The following PHF21A variants were observed in gnomAD, a reference collection of about 807,000 sequenced individuals.
PHF21A encodes the protein PHD finger protein 21A, also known as BHC80a.
A neutral mutation model predicts 82.5 loss-of-function variants in PHF21A; 11 were observed. That is an observed-to-expected ratio of 0.13 (90% confidence interval 0.08 to 0.22). The LOEUF is 0.22. Ranked by LOEUF, PHF21A falls within the 10% of genes least tolerant of loss-of-function variation. The pLI is 1.00. For synonymous variants in PHF21A, 297 were observed against 302.8 expected, an observed-to-expected ratio of 0.98 and a Z score of 0.20; for missense variants, 579 against 837.8, an observed-to-expected ratio of 0.69 and a Z score of 3.81.
At chr11:46,081,398 C>T (rs2096789303) in intron 4 of PHF21A, among the ~76,000 whole-genome samples, 1 of 152,152 alleles carries the variant, frequency 6.6e-6, no homozygotes, top group Non-Finnish European at 1.5e-5. Context: ...ATGAAAAAAG[C>T]TCTTGATTTT....
At chr11:46,037,471 G>A (rs766351823) in intron 6 of PHF21A, among the ~76,000 whole-genome samples, 11 of 151,958 alleles carry the variant, frequency 7.2e-5, no homozygotes, top group East Asian at 1.9e-4. Context: ...GAGAAACCCC[G>A]TCTCTACTAA....
At chr11:46,073,622 C>T (rs17725532) in intron 6 of PHF21A, among the ~76,000 whole-genome samples, 21,184 of 152,134 alleles carry the variant, frequency 0.14, 1,668 homozygotes, top group Non-Finnish European at 0.17. Context: ...TACGTTTACA[C>T]GCCCACATAC....
chr11:46,108,175 T>C (rs762311333), intron 1 of PHF21A, among the ~76,000 whole-genome samples: 8 of 152,190 alleles, frequency 5.3e-5, no homozygotes, highest in Non-Finnish European at 1.0e-4. Flanking sequence ...AGAAGAGAGA[T>C]TACCAGTTTT....
chr11:45,966,807 C>T (rs2093465142), intron 9 of PHF21A, among the ~76,000 whole-genome samples: 2 of 152,012 alleles, frequency 1.3e-5, no homozygotes, highest in African/African-American at 4.8e-5. Flanking sequence ...TTAGTACGGA[C>T]AGGGTTTCAC....
intron 1 of PHF21A, among the ~76,000 whole-genome samples, chr11:46,105,171 G>A (rs1301389281): frequency 1.3e-5 from 2 of 152,208 alleles, no homozygotes; most frequent in East Asian, 3.8e-4. Flanking sequence ...ACGTGGCAAA[G>A]CTAGGATCTG....
intron 6 of PHF21A, among the ~76,000 whole-genome samples, chr11:46,002,665 T>A (rs6485654): frequency 0.34 from 50,288 of 148,784 alleles, 9,445 homozygotes; most frequent in East Asian, 0.8. Context: ...TTAAGGGATA[T>A]AATGAAGAAC....
At chr11:45,990,098 C>T (rs1189045072) in intron 6 of PHF21A, among the ~76,000 whole-genome samples, 1 of 152,068 alleles carries the variant, frequency 6.6e-6, no homozygotes, top group Non-Finnish European at 1.5e-5. Flanking sequence ...ATTACAAAAT[C>T]TAATCCACAA....
intron 10 of PHF21A, among the ~76,000 whole-genome samples, chr11:45,956,792 T>C (rs375030687): frequency 1.3e-5 from 2 of 151,968 alleles, no homozygotes; most frequent in African/African-American, 4.8e-5. Context: ...AGAAAACAAA[T>C]AGCAAAATGG....
chr11:45,966,706 G>A (rs975582100), intron 9 of PHF21A, among the ~76,000 whole-genome samples: 31 of 152,052 alleles, frequency 2.0e-4, no homozygotes, highest in African/African-American at 5.8e-4. Flanking sequence ...AGCAGCCTCC[G>A]CCTCCCAGGT....
chr11:46,106,048 G>A (rs562558778), intron 1 of PHF21A, among the ~76,000 whole-genome samples: 1 of 152,182 alleles, frequency 6.6e-6, no homozygotes, highest in Non-Finnish European at 1.5e-5. Flanking sequence ...TAAAGGTACT[G>A]AGAACCTGAC....
rs533266082 is a variant in PHF21A at position 45,933,621 on chromosome 11, A to C, written c.*347T>G. ...CTCCGCCCGTCCCTGCTCCCCACCC[A>C]AGAAAACAGAAACAAACCCATCGTG... On this transcript the variant is annotated 3_prime_UTR_variant, in exon 19 of 19. Transcript: ENST00000676320. 1 of 197,514 alleles carries C rather than the reference A, an allele frequency of 5.1e-6. No individual in the cohort carries two copies. Among genetic ancestry groups the C allele is most frequent in the African/African-American group, 2.3e-5 (1 of 43,398 alleles). 12.2% of individuals were successfully genotyped at this position (197,514 alleles called of 1,614,324 possible).
intron 6 of PHF21A, among the ~76,000 whole-genome samples, chr11:46,065,933 C>T (rs1404209870): frequency 1.3e-5 from 2 of 152,242 alleles, no homozygotes; most frequent in African/African-American, 4.8e-5. Context: ...GAGAAACCAC[C>T]TGACTATGCC....
intron 6 of PHF21A, among the ~76,000 whole-genome samples, chr11:45,985,513 A>C (rs2094460789): frequency 6.6e-6 from 1 of 152,248 alleles, no homozygotes; most frequent in South Asian, 2.1e-4. Flanking sequence ...GAGAATCTGC[A>C]CTGGAGTTAT....
At chr11:46,092,479 T>C (rs896777409) in intron 1 of PHF21A, among the ~76,000 whole-genome samples, 3 of 152,160 alleles carry the variant, frequency 2.0e-5, no homozygotes, top group Non-Finnish European at 4.4e-5. Context: ...GTTGATAATT[T>C]TCCTTTCCTA....
intron 6 of PHF21A, among the ~76,000 whole-genome samples, chr11:46,042,837 A>G (rs2096179328): frequency 6.6e-6 from 1 of 152,060 alleles, no homozygotes; most frequent in South Asian, 2.1e-4. Context: ...TGAAGCAGAC[A>G]GTAGGTCCTC....
At chr11:45,947,283 G>A (rs868333520) in intron 14 of PHF21A, among the ~76,000 whole-genome samples, 3 of 152,130 alleles carry the variant, frequency 2.0e-5, no homozygotes, top group African/African-American at 4.8e-5. Flanking sequence ...TAAGCTATGA[G>A]TGATCAAAAG....
At chr11:45,986,145 C>A (rs1483314213) in intron 6 of PHF21A, among the ~76,000 whole-genome samples, 1 of 124,520 alleles carries the variant, frequency 8.0e-6, no homozygotes, top group African/African-American at 2.9e-5. Context: ...CATCTCATCT[C>A]CATAGGAGAT....
intron 14 of PHF21A, among the ~76,000 whole-genome samples, chr11:45,948,252 C>G (rs1591082589): frequency 6.6e-6 from 1 of 152,288 alleles, no homozygotes; most frequent in East Asian, 1.9e-4. Context: ...GCTGCTACTG[C>G]TATTTTTTCT....
At chr11:46,053,173 A>G (rs2139223987) in intron 6 of PHF21A, among the ~76,000 whole-genome samples, 1 of 152,312 alleles carries the variant, frequency 6.6e-6, no homozygotes, top group African/African-American at 2.4e-5. Flanking sequence ...TGTCCTGATA[A>G]ATGTTTGGTT....
Sources: gnomAD v4.1 joint callset for allele counts (sites outside exome capture counted in the v4.1 genomes callset) on GRCh38, gnomAD v4.1.1 for gene constraint, MANE v1.5 for transcripts, NCBI Gene and HGNC (gene_info 2026-07-23, HGNC 2026-07-21) for gene names.